Variants in ZSWIM6 observed in about 807,000 individuals in gnomAD.
ZSWIM6 encodes the protein zinc finger SWIM-type containing 6, also known as zinc finger SWIM domain-containing protein 6.
A neutral mutation model predicts 113.2 loss-of-function variants in ZSWIM6; 9 were observed. The ratio of observed to expected loss-of-function variants is 0.08; its 90% CI spans 0.05 to 0.14. The LOEUF (loss-of-function observed/expected upper bound fraction) is 0.14. Ranked by LOEUF, ZSWIM6 falls within the 10% of genes least tolerant of loss-of-function variation. ZSWIM6 has a pLI of 1.00. For synonymous variants in ZSWIM6, 611 were observed against 606.5 expected (o/e 1.01, Z -0.11); for missense variants, 1,162 against 1,552.2 (o/e 0.75, Z 4.22).
chr5:61,440,763 G>A (rs1221549674), intron 1 of ZSWIM6, among the ~76,000 whole-genome samples: 2 of 152,168 alleles, frequency 1.3e-5, no homozygotes, highest in African/African-American at 4.8e-5. Context: ...GGAATTTTCT[G>A]TTCTATTCAA....
In ZSWIM6 at chr5:61,494,342, G is replaced by A. The variant is rs878885866; in HGVS notation, c.1265G>A (p.Arg422His). ...ACAGAGCAATTCATGGCTGACCCTC[G>A]CCTGTCACTTTGGCGGCAACAAGGC... ...LITEQFMADPRLSLWRQQGTA... is the reference protein window; with the variant it reads ...LITEQFMADPHLSLWRQQGTA... The change falls in exon 4 of 14, where the codon CGC (arginine) becomes CAC (histidine). Residue 422 changes from arginine (R) to histidine (H), a missense_variant. This residue lies in a region of ZSWIM6 where 620 missense variants were observed against 804.6 expected (regional missense o/e 0.77). Coordinates refer to ENST00000252744, the MANE Select transcript of ZSWIM6 (RefSeq NM_020928.2). The A allele has an allele frequency of 6.4e-7, 1 of 1,551,110 alleles. No homozygotes were observed. Among genetic ancestry groups the A allele is most frequent in the Non-Finnish European group, 8.7e-7 (1 of 1,146,592 alleles).
intron 1 of ZSWIM6, among the ~76,000 whole-genome samples, chr5:61,451,821 A>T (rs1322982184): frequency 6.6e-6 from 1 of 152,168 alleles, no homozygotes; most frequent in Non-Finnish European, 1.5e-5. Context: ...ATTTATAGAG[A>T]TGGAAAAAAT....
intron 1 of ZSWIM6, among the ~76,000 whole-genome samples, chr5:61,400,258 C>G (rs1011054495): frequency 1.3e-5 from 2 of 152,130 alleles, no homozygotes; most frequent in African/African-American, 4.8e-5. Flanking sequence ...AGATATTGAA[C>G]AAGAATTATG....
chr5:61,485,760 T>C (rs557189126), intron 2 of ZSWIM6, among the ~76,000 whole-genome samples: 2 of 152,292 alleles, frequency 1.3e-5, no homozygotes, highest in South Asian at 2.1e-4. Flanking sequence ...CCTCAATTCA[T>C]CCTCCGTATT....
rs1253206984 is a variant in ZSWIM6 at position 61,472,790 on chromosome 5, C to T, written c.786C>T (p.Cys262=). 6.4e-7 allele frequency: 1 copy of T among 1,551,808 alleles called. No homozygotes were observed. ...GTTGCAAGATTACCTCAGTGACCTG[C>T]AGCTGTGGAAACAAGGACATATTTT... ...FDRCKITSVT[C]SCGNKDIFYC... is the part of the protein sequence containing the mutation. Residue 262 remains cysteine, a synonymous_variant, in exon 2 of 14, where the codon TGC becomes TGT. Transcript: ENST00000252744. The surrounding 1 kb of genome is among the most constrained non-coding windows in gnomAD (Gnocchi z 4.1).
intron 1 of ZSWIM6, chr5:61,375,446 C>T: frequency 6.5e-7 from 1 of 1,531,734 alleles, no homozygotes; most frequent in Non-Finnish European, 8.9e-7. Flanking sequence ...TCATCAAGCT[C>T]TGATTCTTCC....
chr5:61,419,874 G>C (rs1399022654), intron 1 of ZSWIM6, among the ~76,000 whole-genome samples: 1 of 152,200 alleles, frequency 6.6e-6, no homozygotes. Flanking sequence ...AATTGTGTTA[G>C]AAGTAGTTGT....
At position 61,531,708 on chromosome 5, in the gene ZSWIM6, C is replaced by T. The variant is rs1158084205; in HGVS notation, c.2228C>T (p.Ala743Val). 2.6e-6 allele frequency: 4 copies of T among 1,551,576 alleles called. No individual in the cohort carries two copies. Among genetic ancestry groups the T allele is most frequent in the Non-Finnish European group, 1.7e-6 (2 of 1,146,902 alleles). The change falls in exon 9 of 14, where the codon GCA (alanine) becomes GTA (valine). Residue 743 changes from alanine to valine, a missense_variant. Physicochemically the swap from Ala to Val is moderately conservative, Grantham distance 64 (BLOSUM62 0). This residue lies in a region of ZSWIM6 where 620 missense variants were observed against 804.6 expected (regional missense o/e 0.77). Coordinates refer to ENST00000252744, the MANE Select transcript of ZSWIM6 (RefSeq NM_020928.2). ...CTGGTGAAAATTTTTCGCAAGCAAG[C>T]AGTCTTCCTATTAGAAGGTAGCCTG... is the stretch of plus-strand genomic sequence containing the variant. ...DTLVKIFRKQ[A>V]VFLLEAGPYS...
intron 4 of ZSWIM6, among the ~76,000 whole-genome samples, chr5:61,501,354 G>C (rs1748462035): frequency 6.6e-6 from 1 of 152,150 alleles, no homozygotes; most frequent in South Asian, 2.1e-4. Flanking sequence ...ATAAATACTT[G>C]CTGTGTACTG....
chr5:61,442,749 C>T (rs529683220), intron 1 of ZSWIM6, among the ~76,000 whole-genome samples: 1 of 152,248 alleles, frequency 6.6e-6, no homozygotes, highest in African/African-American at 2.4e-5. Context: ...TGAACTTATG[C>T]AAACAACCAC....
chr5:61,334,890 AG>A (rs1414452710), intron 1 of ZSWIM6, among the ~76,000 whole-genome samples: 30 of 145,602 alleles, frequency 2.1e-4, no homozygotes, highest in African/African-American at 7.0e-4. Context: ...GGCAATGTTG[AG>A]GGTTTTTTTT....
At chr5:61,411,574 C>G (rs1255487095) in intron 1 of ZSWIM6, among the ~76,000 whole-genome samples, 2 of 152,178 alleles carry the variant, frequency 1.3e-5, no homozygotes, top group African/African-American at 4.8e-5. Context: ...TCCACTCAGG[C>G]TCCTATAACA....
Position 61,376,335 on chromosome 5 carries a change from G to A in ZSWIM6, c.676+43387G>A, listed in dbSNP as rs377372968. 8.1e-5 allele frequency among the ~76,000 whole-genome samples: 12 copies of A among 148,076 alleles called. No homozygotes were observed. In the South Asian group the frequency reaches 2.0e-3, roughly 24 times the overall value. ...ATACTTTTATTTACCTGGGGAAGGA[G>A]CTTTTAGGGTTGGGGGGTGGTTTGC... On this transcript the variant is annotated intron_variant, in intron 1 of 13. Transcript: ENST00000252744.
At chr5:61,375,483 G>A in intron 1 of ZSWIM6, 1 of 1,554,582 alleles carries the variant, frequency 6.4e-7, no homozygotes, top group South Asian at 1.2e-5. Context: ...CTGAAGATGA[G>A]GATAAGAAAC....
Position 61,472,588 on chromosome 5 carries a change from G to T in ZSWIM6, c.677-93G>T. The T allele has an allele frequency of 1.0e-6, 1 of 993,578 alleles. No individual in the cohort carries two copies. The highest frequency in any genetic ancestry group is 1.4e-6 in the Non-Finnish European group (1 of 713,118). The allele number at this position is 993,578 out of a possible 1,614,324, so 61.5% of individuals were successfully genotyped here. A position where few individuals can be genotyped will look rare whatever the true frequency, so the allele number is the denominator to read the frequency against. ...GAGGCTGTCATATTTTTTTCTTGCT[G>T]CTGTCAAGTCCCACACATTTCAAAG... On this transcript the variant is annotated intron_variant, in intron 1 of 13. Coordinates refer to ENST00000252744, the MANE Select transcript of ZSWIM6 (RefSeq NM_020928.2). The surrounding 1 kb of genome is among the most constrained non-coding windows in gnomAD (Gnocchi z 4.1).
At chr5:61,447,099 T>C (rs1186218106) in intron 1 of ZSWIM6, among the ~76,000 whole-genome samples, 1 of 152,140 alleles carries the variant, frequency 6.6e-6, no homozygotes, top group Admixed American at 6.5e-5. Flanking sequence ...AAGAACATCA[T>C]GTACTAAGCA....
chr5:61,537,209 A>C, intron 10 of ZSWIM6, among the ~76,000 whole-genome samples: 1 of 152,222 alleles, frequency 6.6e-6, no homozygotes, highest in East Asian at 1.9e-4. Flanking sequence ...AACACTCACA[A>C]ACTCATTTAT....
chr5:61,361,861 C>T (rs780836770), intron 1 of ZSWIM6, among the ~76,000 whole-genome samples: 26 of 152,304 alleles, frequency 1.7e-4, no homozygotes, highest in African/African-American at 5.3e-4. Context: ...GCAAGAAGAT[C>T]GTGGAAAATA....
chr5:61,473,903 G>A (rs766546496), intron 2 of ZSWIM6, among the ~76,000 whole-genome samples: 5 of 152,140 alleles, frequency 3.3e-5, no homozygotes, highest in African/African-American at 4.8e-5. Context: ...TTAGTGGTTA[G>A]TTGACAGCAA....
Sources: allele counts gnomAD v4.1 joint callset (sites outside exome capture counted in the v4.1 genomes callset), GRCh38; gene constraint gnomAD v4.1.1; regional missense constraint gnomAD v4.1.1; non-coding constraint Gnocchi (gnomAD v3.1); transcripts MANE v1.5; gene names NCBI Gene and HGNC (gene_info 2026-07-23, HGNC 2026-07-21).